RDX: variants seen among roughly 807,000 people sequenced by gnomAD.
The protein encoded by RDX is radixin, also known as deafness, autosomal recessive 24.
RDX carries 32 observed loss-of-function variants against 83.7 expected under a neutral mutation model. That is an observed-to-expected ratio of 0.38 (90% CI 0.29 to 0.51). RDX has a LOEUF of 0.51. Ranked by LOEUF, RDX falls within the 20% of genes least tolerant of loss-of-function variation. The pLI, the probability that RDX is intolerant of heterozygous loss-of-function variation, is 0.87. For synonymous variants in RDX, 229 were observed against 222.7 expected (o/e 1.03, Z -0.25); for missense variants, 600 against 689.9 (o/e 0.87, Z 1.46).
rs139814283 is a variant in RDX at position 110,289,894 on chromosome 11, G to A, written c.-65+6573C>T. On this transcript the variant is annotated intron_variant, in intron 1 of 13. Transcript: ENST00000645495. ...GAATTGCATGAATCCAGGAGGCAGAGGCTGCAATGAGCTGAGATCATGCCA... is the reference window on the plus strand; with the variant it reads ...GAATTGCATGAATCCAGGAGGCAGAAGCTGCAATGAGCTGAGATCATGCCA... 9.7e-3 allele frequency among the ~76,000 whole-genome samples: 1,345 copies of A among 139,370 alleles called. 16 individuals carry two copies. The highest frequency in any genetic ancestry group is 0.014 in the Non-Finnish European group (957 of 66,014). The allele number at this position is 139,370 out of a possible 152,430, so 91.4% of individuals were successfully genotyped here. A position where few individuals can be genotyped will look rare whatever the true frequency, so the allele number is the denominator to read the frequency against.
chr11:110,237,683 G>A (rs1864916589), intron 10 of RDX, 31 bp from the exon 11 acceptor site: 1 of 1,606,434 alleles, frequency 6.2e-7, no homozygotes, highest in African/African-American at 1.3e-5. Context: ...CCCCAACAGT[G>A]ATTAATTCCA....
At chr11:110,193,333 T>C (rs1863138086) in intron 15 of RDX, among the ~76,000 whole-genome samples, 1 of 151,976 alleles carries the variant, frequency 6.6e-6, no homozygotes, top group Non-Finnish European at 1.5e-5. Context: ...ACGTGGACAT[T>C]AAGATGGGAA....
downstream of RDX, among the ~76,000 whole-genome samples, chr11:110,225,563 A>G (rs1465753504): frequency 3.3e-5 from 5 of 152,362 alleles, no homozygotes; most frequent in East Asian, 1.9e-4. Flanking sequence ...CAAAACCACA[A>G]TGAGGTACTG....
chr11:110,247,119 C>T (rs192387803), intron 10 of RDX, among the ~76,000 whole-genome samples: 1 of 152,052 alleles, frequency 6.6e-6, no homozygotes, highest in Admixed American at 6.6e-5. Context: ...TCTAGTATAT[C>T]CTTTCTATAT....
intron 3 of RDX, among the ~76,000 whole-genome samples, chr11:110,267,791 T>TAA (rs34695261): frequency 2.8e-5 from 4 of 142,188 alleles, no homozygotes; most frequent in African/African-American, 1.0e-4. Context: ...CCTTGTCTCT[T>TAA]AAAAAAAAAA....
chr11:110,285,712 C>CAA (rs35030078), intron 1 of RDX, among the ~76,000 whole-genome samples: 4,169 of 76,146 alleles, frequency 0.055, 258 homozygotes, highest in African/African-American at 0.14. Flanking sequence ...GACTTTGTCT[C>CAA]AAAAAAAAAA....
downstream of RDX, among the ~76,000 whole-genome samples, chr11:110,224,925 A>T (rs1864382569): frequency 6.6e-6 from 1 of 152,188 alleles, no homozygotes; most frequent in Non-Finnish European, 1.5e-5. Context: ...AGCAAGGTTT[A>T]GTTATTGTTC....
intron 15 of RDX, among the ~76,000 whole-genome samples, chr11:110,176,009 G>A (rs1450376778): frequency 1.3e-5 from 2 of 152,148 alleles, no homozygotes; most frequent in African/African-American, 2.4e-5. Flanking sequence ...CGGGAGTGGG[G>A]ACTACAGGAG....
intron 9 of RDX, among the ~76,000 whole-genome samples, chr11:110,251,624 T>C (rs547192020): frequency 3.4e-4 from 52 of 152,180 alleles, no homozygotes; most frequent in Non-Finnish European, 6.9e-4. Flanking sequence ...TAACCTACAA[T>C]TGGTACATAG....
Position 110,229,687 on chromosome 11 carries a change from T to C in RDX, c.*2182A>G, listed in dbSNP as rs1864549992. 1 of 152,442 alleles carries C rather than the reference T, an allele frequency of 6.6e-6. No homozygotes were observed. The highest frequency in any genetic ancestry group is 2.1e-4 in the South Asian group (1 of 4,822). 9.4% of individuals were successfully genotyped at this position (152,442 alleles called of 1,614,324 possible). A position where few individuals can be genotyped will look rare whatever the true frequency, so the allele number is the denominator to read the frequency against. Reference sequence around the variant, plus strand: ...TGCAAATGGTTCTTGTTTAGAAAAATTCACACAGCCTTAAAAATGGATTAA... The same window carrying C: ...TGCAAATGGTTCTTGTTTAGAAAAACTCACACAGCCTTAAAAATGGATTAA... On this transcript the variant is annotated 3_prime_UTR_variant, in exon 14 of 14. Transcript: ENST00000645495.
At chr11:110,266,962 A>C (rs938240826) in intron 3 of RDX, among the ~76,000 whole-genome samples, 3 of 151,794 alleles carry the variant, frequency 2.0e-5, no homozygotes, top group Non-Finnish European at 2.9e-5. Flanking sequence ...GCAGTGGTGC[A>C]ATCTCAGTTC....
intron 15 of RDX, chr11:110,199,514 G>A (rs998216809): frequency 8.6e-6 from 6 of 698,628 alleles, no homozygotes; most frequent in Admixed American, 2.0e-5. Flanking sequence ...CATCCTGGCA[G>A]TGGAAGGTGT....
At chr11:110,233,194 A>C (rs768905783) in intron 13 of RDX, 43 bp downstream of exon 13, 16 of 1,610,636 alleles carry the variant, frequency 9.9e-6, no homozygotes, top group East Asian at 8.9e-5. Context: ...GGGAAAATGC[A>C]AACTATATTT....
chr11:110,239,844 A>ATT (rs1865011227), intron 10 of RDX, among the ~76,000 whole-genome samples: 3 of 150,988 alleles, frequency 2.0e-5, no homozygotes, highest in African/African-American at 4.9e-5. Flanking sequence ...CTGTTTTTAA[A>ATT]AAAAAAAAAA....
chr11:110,255,199 T>C (rs917907298), intron 8 of RDX, 90 bp downstream of exon 8: 1 of 732,442 alleles, frequency 1.4e-6, no homozygotes, highest in African/African-American at 1.8e-5. Context: ...AGCAATTTAA[T>C]AAATGAACAC....
At chr11:110,217,695 C>A (rs551631065) in intron 14 of RDX, among the ~76,000 whole-genome samples, 1 of 152,148 alleles carries the variant, frequency 6.6e-6, no homozygotes, top group South Asian at 2.1e-4. Flanking sequence ...GCATCAAGAC[C>A]ACTACTGCAC....
chr11:110,239,969 A>C (rs1865017164), intron 10 of RDX, among the ~76,000 whole-genome samples: 1 of 152,236 alleles, frequency 6.6e-6, no homozygotes, highest in South Asian at 2.1e-4. Context: ...GTCCTCAAAA[A>C]ACTAAAACTA....
downstream of RDX, among the ~76,000 whole-genome samples, chr11:110,229,257 C>T (rs913411928): frequency 2.6e-5 from 4 of 151,894 alleles, no homozygotes; most frequent in African/African-American, 9.7e-5. Context: ...TTTAACTTTT[C>T]CACAGAATTA....
intron 3 of RDX, among the ~76,000 whole-genome samples, chr11:110,271,350 G>T (rs141912982): frequency 5.8e-4 from 89 of 152,254 alleles, no homozygotes; most frequent in African/African-American, 1.9e-3. Flanking sequence ...AAGTTATTCT[G>T]ACTACAGGCT....
Sources: gnomAD v4.1 joint callset for allele counts (sites outside exome capture counted in the v4.1 genomes callset) on GRCh38, gnomAD v4.1.1 for gene constraint, MANE v1.5 for transcripts, NCBI Gene and HGNC (gene_info 2026-07-23, HGNC 2026-07-21) for gene names.